PHOSPHO2: variants seen among roughly 807,000 people sequenced by gnomAD.
PHOSPHO2 encodes phosphatase, orphan 2.
A neutral mutation model predicts 16.4 loss-of-function variants in PHOSPHO2; 14 were observed. The observed-to-expected ratio is 0.85, with a 90% CI of 0.56 to 1.33. The LOEUF is 1.33. PHOSPHO2 is among the 40% of genes most tolerant of loss of function. The pLI, the probability that PHOSPHO2 is intolerant of heterozygous loss-of-function variation, is 0.00. For synonymous variants in PHOSPHO2, 85 were observed against 90.5 expected, an observed-to-expected ratio of 0.94 and a Z score of 0.34; for missense variants, 246 against 282.5, an observed-to-expected ratio of 0.87 and a Z score of 0.93.
chr2:169,699,220 G>A (rs773887466), intron 3 of PHOSPHO2, among the ~76,000 whole-genome samples: 16 of 132,920 alleles, frequency 1.2e-4, no homozygotes, highest in Non-Finnish European at 2.0e-4. Context: ...TCCCTTCCAC[G>A]TGTTCTCATG....
chr2:169,701,619 G>C lies in PHOSPHO2; in HGVS notation c.648G>C (p.Glu216Asp), dbSNP rs1297058384. The C allele has an allele frequency of 5.0e-6, 8 of 1,604,118 alleles. No individual in the cohort carries two copies. The highest frequency in any genetic ancestry group is 6.8e-6 in the Non-Finnish European group (8 of 1,178,726). Residue 216 changes from glutamate (E) to aspartate (D), a missense_variant, in exon 4 of 4, where the codon GAG becomes GAC. Physicochemically the swap from Glu to Asp is conservative, Grantham distance 45 (BLOSUM62 2). Coordinates refer to ENST00000359744, the MANE Select transcript of PHOSPHO2 (RefSeq NM_001008489.4). Reference protein sequence around the residue: ...KTLSRMSQNLEPMEYSVVVWS... With the variant: ...KTLSRMSQNLDPMEYSVVVWS... ...TTTCCAGAATGTCTCAAAATCTTGA[G>C]CCTATGGAATATTCTGTTGTAGTTT...
At position 169,694,694 on chromosome 2, in the gene PHOSPHO2, A is replaced by G. The variant is rs1056996719; in HGVS notation, c.-231+72A>G. On this transcript the variant is annotated intron_variant, in intron 1 of 3. Coordinates refer to ENST00000359744, the MANE Select transcript of PHOSPHO2 (RefSeq NM_001008489.4). The stretch of plus-strand genomic sequence containing the variant: ...CCCACCTGCGCGCTCCCCATGGGGG[A>G]CGACCCCCGATTGGGTCCGATGCCT... 12 of 375,722 alleles carry G rather than the reference A, an allele frequency of 3.2e-5. No homozygotes were observed. The Admixed American group carries it at 3.3e-4, about 10-fold the overall frequency. 23.3% of individuals were successfully genotyped at this position (375,722 alleles called of 1,614,324 possible).
In PHOSPHO2 at chr2:169,701,463, G is replaced by T; in HGVS notation, c.492G>T (p.Gln164His). The change falls in exon 4 of 4, where the codon CAG (glutamine) becomes CAT (histidine). Residue 164 changes from glutamine (Q) to histidine (H), a missense_variant. Coordinates refer to ENST00000359744, the MANE Select transcript of PHOSPHO2 (RefSeq NM_001008489.4). The stretch of plus-strand genomic sequence containing the variant: ...TTTTGATAGAATTTGTAGATAAACA[G>T]TTACAACAGGGAGTGAATTATACAC... ...KVVLIEFVDK[Q>H]LQQGVNYTQI... The T allele has an allele frequency of 6.2e-7, 1 of 1,612,612 alleles. No individual in the cohort carries two copies. The highest frequency in any genetic ancestry group is 8.5e-7 in the Non-Finnish European group (1 of 1,179,632).
chr2:169,696,954 C>T (rs187326854), intron 2 of PHOSPHO2, among the ~76,000 whole-genome samples: 200 of 152,190 alleles, frequency 1.3e-3, no homozygotes, highest in Non-Finnish European at 2.1e-3. Flanking sequence ...ACTTTGTTCT[C>T]CTATTGCCAA....
At chr2:169,699,108 T>C (rs1231255766) in intron 3 of PHOSPHO2, among the ~76,000 whole-genome samples, 1 of 152,154 alleles carries the variant, frequency 6.6e-6, no homozygotes, top group African/African-American at 2.4e-5. Flanking sequence ...GCTGCACAGA[T>C]CATCACATCA....
In PHOSPHO2 at chr2:169,701,364, T is replaced by C; in HGVS notation, c.393T>C (p.Asn131=). ...CAAATCCAGCAGCTTTTAATAGCAA[T>C]GGTCATCTCACTGTTGAAAATTATC... ...VFTNPAAFNS[N]GHLTVENYHT... Residue 131 remains asparagine (N), a synonymous_variant, in exon 4 of 4, where the codon AAT becomes AAC. Coordinates refer to ENST00000359744, the MANE Select transcript of PHOSPHO2 (RefSeq NM_001008489.4). 1 of 1,613,632 alleles carries C rather than the reference T, an allele frequency of 6.2e-7. No individual in the cohort carries two copies. The highest frequency in any genetic ancestry group is 8.5e-7 in the Non-Finnish European group (1 of 1,179,896).
intron 3 of PHOSPHO2, among the ~76,000 whole-genome samples, chr2:169,700,151 C>T (rs1303037699): frequency 6.6e-6 from 1 of 152,146 alleles, no homozygotes; most frequent in African/African-American, 2.4e-5. Flanking sequence ...TGTCTGTTTA[C>T]TCTGTTGATA....
intron 2 of PHOSPHO2, among the ~76,000 whole-genome samples, chr2:169,696,981 A>C (rs1184752089): frequency 1.3e-5 from 2 of 151,934 alleles, no homozygotes. Context: ...CTTTTCTGAC[A>C]TTAGAAAAAC....
In PHOSPHO2 at chr2:169,701,685, A is replaced by G; in HGVS notation, c.714A>G (p.Leu238=). ...GVDIISHLQF[L]IKD is the part of the protein sequence containing the mutation. The stretch of plus-strand genomic sequence containing the variant: ...ATATAATTTCTCATTTACAATTTCT[A>G]ATAAAGGATTAATATGTCAGCAATT... Residue 238 remains leucine, a synonymous_variant, in exon 4 of 4, where the codon CTA becomes CTG. Coordinates refer to ENST00000359744, the MANE Select transcript of PHOSPHO2 (RefSeq NM_001008489.4). 1 of 1,543,218 alleles carries G rather than the reference A, an allele frequency of 6.5e-7. No individual in the cohort carries two copies. The highest frequency in any genetic ancestry group is 8.7e-7 in the Non-Finnish European group (1 of 1,145,734).
Position 169,701,136 on chromosome 2 carries a change from G to C in PHOSPHO2, c.165G>C (p.Leu55Phe). 1 of 1,613,970 alleles carries C rather than the reference G, an allele frequency of 6.2e-7. No homozygotes were observed. The highest frequency in any genetic ancestry group is 1.1e-5 in the South Asian group (1 of 91,066). Reference sequence around the variant, plus strand: ...TTATGGGCAGAGTCTTTAAGTATTTGGGAGATAAGGGTGTAAGAGAACATG... The same window carrying C: ...TTATGGGCAGAGTCTTTAAGTATTTCGGAGATAAGGGTGTAAGAGAACATG... Reference protein sequence around the residue: ...TEFMGRVFKYLGDKGVREHEM... With the variant: ...TEFMGRVFKYFGDKGVREHEM... Residue 55 changes from leucine to phenylalanine, a missense_variant, in exon 4 of 4, where the codon TTG becomes TTC. Transcript: ENST00000359744.
rs1320731066 is a variant in PHOSPHO2, at chr2:169,694,493, G to C, written c.-360G>C. On this transcript the variant is annotated 5_prime_UTR_variant, in exon 1 of 4. Transcript: ENST00000359744. Reference sequence around the variant, plus strand: ...TGCAGTTGGCGGTCGGGCTAGAGAAGAGAGGCGCCTGCGCTTGCGAGCTGG... The same window carrying C: ...TGCAGTTGGCGGTCGGGCTAGAGAACAGAGGCGCCTGCGCTTGCGAGCTGG... 5.8e-6 allele frequency: 4 copies of C among 692,430 alleles called. No individual in the cohort carries two copies. The highest frequency in any genetic ancestry group is 7.7e-6 in the Non-Finnish European group (3 of 389,804). 42.9% of individuals were successfully genotyped at this position (692,430 alleles called of 1,614,324 possible).
At chr2:169,696,369 C>A (rs1305315196) in intron 2 of PHOSPHO2, among the ~76,000 whole-genome samples, 1 of 152,194 alleles carries the variant, frequency 6.6e-6, no homozygotes, top group African/African-American at 2.4e-5. Flanking sequence ...CCAACCATAA[C>A]CATCCCACTG....
Position 169,701,647 on chromosome 2 carries a change from T to TC in PHOSPHO2, c.678dup (p.Ser227LeufsTer4), listed in dbSNP as rs752690545. The TC allele has an allele frequency of 6.3e-7, 1 of 1,580,296 alleles. No homozygotes were observed. The highest frequency in any genetic ancestry group is 8.5e-7 in the Non-Finnish European group (1 of 1,170,274). On this transcript the variant is annotated frameshift_variant, in exon 4 of 4. Transcript: ENST00000359744. LOFTEE classifies it high-confidence loss of function. Reference sequence around the variant, plus strand: ...TATGGAATATTCTGTTGTAGTTTGGTCCTCAGGTGTTGATATAATTTCTCA... The same window carrying TC: ...TATGGAATATTCTGTTGTAGTTTGGTCCCTCAGGTGTTGATATAATTTCTCA...
Position 169,700,994 on chromosome 2 carries a change from A to G in PHOSPHO2, c.23A>G (p.Asp8Gly). Residue 8 changes from aspartate to glycine, a missense_variant, in exon 4 of 4, where the codon GAC becomes GGC. Coordinates refer to ENST00000359744, the MANE Select transcript of PHOSPHO2 (RefSeq NM_001008489.4). MKILLVF[D>G]FDNTIIDDNS... Reference sequence around the variant, plus strand: ...ACCATGAAAATTTTGCTAGTTTTTGACTTTGACAATACAATCATAGATGAC... The same window carrying G: ...ACCATGAAAATTTTGCTAGTTTTTGGCTTTGACAATACAATCATAGATGAC... 6.3e-7 allele frequency: 1 copy of G among 1,595,820 alleles called. No individual in the cohort carries two copies. Among genetic ancestry groups the G allele is most frequent in the Non-Finnish European group, 8.5e-7 (1 of 1,172,546 alleles).
At chr2:169,696,091 C>A (rs545960668) in intron 2 of PHOSPHO2, among the ~76,000 whole-genome samples, 7 of 152,250 alleles carry the variant, frequency 4.6e-5, no homozygotes, top group African/African-American at 1.4e-4. Context: ...TATTGAATCT[C>A]ATGATTTGAT....
Position 169,694,503 on chromosome 2 carries a change from T to A in PHOSPHO2, c.-350T>A. The A allele has an allele frequency of 3.0e-6, 2 of 668,706 alleles. No homozygotes were observed. The highest frequency in any genetic ancestry group is 5.3e-6 in the Non-Finnish European group (2 of 373,916). 41.4% of individuals were successfully genotyped at this position (668,706 alleles called of 1,614,324 possible). A position where few individuals can be genotyped will look rare whatever the true frequency, so the allele number is the denominator to read the frequency against. ...GGTCGGGCTAGAGAAGAGAGGCGCC[T>A]GCGCTTGCGAGCTGGGCTTGTGAGT... On this transcript the variant is annotated 5_prime_UTR_variant, in exon 1 of 4. Coordinates refer to ENST00000359744, the MANE Select transcript of PHOSPHO2 (RefSeq NM_001008489.4).
At chr2:169,696,180 T>C (rs1032916984) in intron 2 of PHOSPHO2, among the ~76,000 whole-genome samples, 1 of 152,208 alleles carries the variant, frequency 6.6e-6, no homozygotes, top group Non-Finnish European at 1.5e-5. Context: ...AACCTGTGGA[T>C]TGTCACAACC....
intron 3 of PHOSPHO2, 126 bp from the exon 4 acceptor site, chr2:169,700,820 T>C (rs1039499735): frequency 1.1e-6 from 1 of 950,658 alleles, no homozygotes; most frequent in African/African-American, 1.7e-5. Context: ...GGTCTTGAAG[T>C]GCTTAATTAC....
At chr2:169,694,693 G>T in intron 1 of PHOSPHO2, 71 bp downstream of exon 1, 1 of 379,134 alleles carries the variant, frequency 2.6e-6, no homozygotes, top group Non-Finnish European at 5.1e-6. Context: ...CCCCATGGGG[G>T]ACGACCCCCG....
Sources: allele counts gnomAD v4.1 joint callset (sites outside exome capture counted in the v4.1 genomes callset), GRCh38; gene constraint gnomAD v4.1.1; transcripts MANE v1.5; gene names NCBI Gene and HGNC (gene_info 2026-07-23, HGNC 2026-07-21).